Variants in VDR observed in about 807,000 individuals in gnomAD.
The protein encoded by VDR is vitamin D3 receptor.
Under a neutral mutation model 39.7 loss-of-function variants are expected in VDR, and 19 were observed. That is an observed-to-expected ratio of 0.48 (90% CI 0.33 to 0.70). The LOEUF (loss-of-function observed/expected upper bound fraction) is 0.70, where lower values mean the gene tolerates loss of function less well. VDR is among the 30% of genes least tolerant of loss of function. The probability of loss-of-function intolerance (pLI) is 0.02; values close to 1 mark genes in which losing one functional copy is unlikely to be tolerated. For missense variants in VDR, 442 were observed against 570.5 expected (o/e 0.77, Z 2.29); for synonymous variants, 242 against 215.8 (o/e 1.12, Z -1.07).
At chr12:47,865,603 G>A (rs1195206598) in intron 3 of VDR, among the ~76,000 whole-genome samples, 3 of 151,882 alleles carry the variant, frequency 2.0e-5, no homozygotes, top group African/African-American at 7.3e-5. Flanking sequence ...TGTAAAAATG[G>A]GGTCTCACTA....
At chr12:47,862,691 A>G (rs1365568711) in intron 4 of VDR, among the ~76,000 whole-genome samples, 1 of 152,170 alleles carries the variant, frequency 6.6e-6, no homozygotes, top group Non-Finnish European at 1.5e-5. Context: ...TGGTTTTACA[A>G]ATATTGAGAC....
chr12:47,879,156 A>C (rs760012896), intron 2 of VDR, 41 bp from the exon 3 acceptor site: 1 of 1,602,656 alleles, frequency 6.2e-7, no homozygotes, highest in Admixed American at 1.7e-5. Flanking sequence ...AGCCAGAGTC[A>C]GTGCCAGGGC....
chr12:47,864,119 G>C (rs896155059), intron 4 of VDR, among the ~76,000 whole-genome samples: 3 of 152,192 alleles, frequency 2.0e-5, no homozygotes, highest in Non-Finnish European at 4.4e-5. Context: ...GTGGGGGTCT[G>C]GATGCAGATG....
rs11574028 is a variant in VDR, at chr12:47,893,476, G to A, written c.-83-10702C>T. 2.0e-5 allele frequency among the ~76,000 whole-genome samples: 3 copies of A among 152,164 alleles called. No homozygotes were observed. The East Asian group carries it at 5.8e-4, about 29-fold the overall frequency. ...GCCTAGCTGAATAGAAAAAAAAAAG[G>A]TTTTGTGGGAGAAAATCAAAAGAAA... On this transcript the variant is annotated intron_variant, in intron 1 of 9. Transcript: ENST00000549336.
intron 2 of VDR, among the ~76,000 whole-genome samples, chr12:47,880,994 T>C (rs1203252964): frequency 6.7e-6 from 1 of 150,154 alleles, no homozygotes; most frequent in Non-Finnish European, 1.5e-5. Context: ...GAGAAGCACT[T>C]TCAGAAAGAG....
chr12:47,880,614 C>T (rs893738307), intron 2 of VDR, among the ~76,000 whole-genome samples: 3 of 152,106 alleles, frequency 2.0e-5, no homozygotes, highest in South Asian at 2.1e-4. Flanking sequence ...GAGGGAATCC[C>T]GGTCACAGAC....
At chr12:47,864,665 C>T (rs939773530) in intron 4 of VDR, among the ~76,000 whole-genome samples, 1 of 152,386 alleles carries the variant, frequency 6.6e-6, no homozygotes, top group Non-Finnish European at 1.5e-5. Context: ...CCTCATTCTT[C>T]CCTCTAGGTC....
At chr12:47,903,883 A>G (rs575646478) in intron 1 of VDR, among the ~76,000 whole-genome samples, 1 of 152,306 alleles carries the variant, frequency 6.6e-6, no homozygotes, top group African/African-American at 2.4e-5. Flanking sequence ...TAGCCATTCC[A>G]TAAGCACTGC....
At chr12:47,882,458 G>C (rs1176297444) in intron 2 of VDR, among the ~76,000 whole-genome samples, 1 of 152,086 alleles carries the variant, frequency 6.6e-6, no homozygotes, top group Non-Finnish European at 1.5e-5. Flanking sequence ...AGCCCAGCCA[G>C]GGTCGTGGCT....
chr12:47,855,748 C>T lies in VDR; in HGVS notation c.637G>A (p.Asp213Asn). Reference sequence around the variant, plus strand: ...AGCTCTAGGGTCACAGAAGGGTCATCTGAATCTTCTTCACTCAGATCCAGA... The same window carrying T: ...AGCTCTAGGGTCACAGAAGGGTCATTTGAATCTTCTTCACTCAGATCCAGA... ...SNLDLSEEDS[D>N]DPSVTLELSQ... Residue 213 changes from aspartate to asparagine, a missense_variant, in exon 7 of 10, where the codon GAT (aspartate) becomes AAT (asparagine). This residue lies in a region of VDR where 77 missense variants were observed against 67.4 expected (regional missense o/e 1.14). Transcript: ENST00000549336. 1.2e-6 allele frequency: 2 copies of T among 1,614,200 alleles called. No homozygotes were observed. Among genetic ancestry groups the T allele is most frequent in the Non-Finnish European group, 1.7e-6 (2 of 1,180,016 alleles).
intron 2 of VDR, 42 bp from the exon 3 acceptor site, chr12:47,879,157 G>A: frequency 6.2e-7 from 1 of 1,600,888 alleles, no homozygotes; most frequent in Non-Finnish European, 8.5e-7. Flanking sequence ...GCCAGAGTCA[G>A]TGCCAGGGCC....
At chr12:47,853,763 A>G (rs1945432158) in intron 7 of VDR, among the ~76,000 whole-genome samples, 1 of 152,102 alleles carries the variant, frequency 6.6e-6, no homozygotes, top group African/African-American at 2.4e-5. Flanking sequence ...CTCAAAAAAA[A>G]TACAAAAAAT....
At chr12:47,861,519 G>A (rs1945624904) in intron 4 of VDR, among the ~76,000 whole-genome samples, 1 of 152,220 alleles carries the variant, frequency 6.6e-6, no homozygotes, top group African/African-American at 2.4e-5. Flanking sequence ...TAAAGATCTT[G>A]TTAATTTCAT....
intron 4 of VDR, among the ~76,000 whole-genome samples, chr12:47,862,791 G>C (rs866935815): frequency 2.0e-5 from 3 of 152,236 alleles, no homozygotes; most frequent in Non-Finnish European, 4.4e-5. Flanking sequence ...GAGGCCGGGG[G>C]ACTTCACACT....
At chr12:47,852,342 A>T (rs987453833) in intron 7 of VDR, among the ~76,000 whole-genome samples, 5 of 152,218 alleles carry the variant, frequency 3.3e-5, no homozygotes, top group Admixed American at 2.0e-4. Flanking sequence ...CTAGCTGTTT[A>T]CACAAAACAA....
chr12:47,878,931 C>T, intron 3 of VDR, 37 bp downstream of exon 3: 1 of 1,614,078 alleles, frequency 6.2e-7, no homozygotes, highest in Non-Finnish European at 8.5e-7. Flanking sequence ...TCTTCTCCCT[C>T]CCTTTCCACT....
intron 1 of VDR, among the ~76,000 whole-genome samples, chr12:47,892,121 C>T (rs949045252): frequency 3.3e-5 from 5 of 152,250 alleles, no homozygotes; most frequent in East Asian, 1.9e-4. Context: ...AGGCCATTCA[C>T]TTATCCTGGG....
At position 47,846,373 on chromosome 12, in the gene VDR, T is replaced by G; in HGVS notation, c.986A>C (p.Glu329Ala). ...GLKKLNLHEE[E>A]HVLLMAICIV... is the part of the protein sequence containing the mutation. ...GCAGATGGCCATGAGCAGGACATGC[T>G]CCTCCTCATGCAAGTTCAGCTTCTT... The change falls in exon 9 of 10, where the codon GAG (glutamate) becomes GCG (alanine). Residue 329 changes from glutamate (E) to alanine (A), a missense_variant. This residue lies in a region of VDR where 173 missense variants were observed against 252.0 expected (regional missense o/e 0.69). Coordinates refer to ENST00000549336, the MANE Select transcript of VDR (RefSeq NM_000376.3). 6.3e-7 allele frequency: 1 copy of G among 1,599,976 alleles called. No homozygotes were observed. Among genetic ancestry groups the G allele is most frequent in the East Asian group, 2.3e-5 (1 of 44,032 alleles).
At chr12:47,859,923 T>G (rs35283384) in intron 4 of VDR, among the ~76,000 whole-genome samples, 8 of 50,956 alleles carry the variant, frequency 1.6e-4, no homozygotes, top group African/African-American at 7.3e-4. Flanking sequence ...CCTTCTTTCT[T>G]TTTCTTTCTT....
Sources: allele counts gnomAD v4.1 joint callset (sites outside exome capture counted in the v4.1 genomes callset), GRCh38; gene constraint gnomAD v4.1.1; regional missense constraint gnomAD v4.1.1; transcripts MANE v1.5; gene names NCBI Gene and HGNC (gene_info 2026-07-23, HGNC 2026-07-21).